Variants in CDYL observed in about 807,000 individuals in gnomAD.
CDYL encodes chromodomain Y like.
In CDYL, 8 loss-of-function variants were observed where a neutral mutation model predicts 47.3. The ratio of observed to expected loss-of-function variants is 0.17; its 90% CI spans 0.10 to 0.31. CDYL has a LOEUF of 0.31. CDYL is among the 10% of genes least tolerant of loss of function. CDYL has a pLI of 1.00. For synonymous variants in CDYL, 266 were observed against 265.0 expected (o/e 1.00, Z -0.04); for missense variants, 471 against 701.4 (o/e 0.67, Z 3.71).
In CDYL at chr6:4,935,563, T is replaced by C; in HGVS notation, c.740T>C (p.Ile247Thr). The C allele has an allele frequency of 6.2e-7, 1 of 1,614,236 alleles. No homozygotes were observed. Among genetic ancestry groups the C allele is most frequent in the Non-Finnish European group, 8.5e-7 (1 of 1,180,034 alleles). The change falls in exon 3 of 7, where the codon ATA becomes ACA. Residue 247 changes from isoleucine (I) to threonine (T), a missense_variant. By Grantham distance (89) the Ile-to-Thr change is moderately conservative. Around this residue, in one of 3 missense-constraint regions of CDYL, gnomAD observed 311 missense variants for 350.0 expected, o/e 0.89. Transcript: ENST00000397588. The stretch of plus-strand genomic sequence containing the variant: ...TTAACAGCCAATGGGACAACCAACA[T>C]ACAGACATCTGTTACAGGAGTGACT... ...DALTANGTTN[I>T]QTSVTGVTAS...
chr6:4,862,846 A>G (rs570814653), intron 1 of CDYL, among the ~76,000 whole-genome samples: 31 of 152,268 alleles, frequency 2.0e-4, no homozygotes, highest in African/African-American at 5.5e-4. Context: ...CAATCCCTCT[A>G]CTGGGTATCT....
intron 1 of CDYL, among the ~76,000 whole-genome samples, chr6:4,811,774 C>T (rs1404619729): frequency 1.3e-5 from 2 of 152,020 alleles, no homozygotes; most frequent in African/African-American, 4.8e-5. Flanking sequence ...CCTGGCCTCT[C>T]TCTTCTTTAA....
chr6:4,748,185 C>T (rs533173506), intron 3 of CDYL, among the ~76,000 whole-genome samples: 1 of 152,262 alleles, frequency 6.6e-6, no homozygotes, highest in South Asian at 2.1e-4. Context: ...CCCGTGATTT[C>T]AAGTACATCT....
At chr6:4,889,309 C>T (rs914905789) in intron 1 of CDYL, among the ~76,000 whole-genome samples, 2 of 152,008 alleles carry the variant, frequency 1.3e-5, no homozygotes, top group African/African-American at 4.8e-5. Context: ...ACCGCAACCT[C>T]CACCTCCTGG....
intron 1 of CDYL, among the ~76,000 whole-genome samples, chr6:4,851,665 C>G (rs76240962): frequency 6.6e-6 from 1 of 152,194 alleles, no homozygotes; most frequent in Non-Finnish European, 1.5e-5. Flanking sequence ...CATTCGCAGA[C>G]GCATTGCATC....
Position 4,927,013 on chromosome 6 carries a change from T to A in CDYL, c.692-8502T>A, listed in dbSNP as rs183244745. Among the ~76,000 whole-genome samples, 205 of 152,308 alleles carry A rather than the reference T, an allele frequency of 1.3e-3. 1 individual carries two copies. Among genetic ancestry groups the A allele is most frequent in the Admixed American group, 4.7e-3 (72 of 15,294 alleles). ...TGATGCACTTATTGACCCGTATTTT[T>A]AAAAATCTTCAGAAGCATAATAGCT... On this transcript the variant is annotated intron_variant, in intron 2 of 6. Transcript: ENST00000397588.
chr6:4,775,232 C>G (rs1366360346), upstream of CDYL: 1 of 152,400 alleles, frequency 6.6e-6, no homozygotes, highest in Non-Finnish European at 1.5e-5. This position sits in a 1 kb window ranked among gnomAD's most constrained non-coding sequence, Gnocchi z 7.0. Flanking sequence ...AGAGGGTGAA[C>G]TAATGCCTCT....
intron 3 of CDYL, among the ~76,000 whole-genome samples, chr6:4,762,272 G>A (rs1408039807): frequency 1.3e-5 from 2 of 152,158 alleles, no homozygotes; most frequent in Non-Finnish European, 2.9e-5. Context: ...ATTGATTTTA[G>A]GTGACATTTT....
chr6:4,842,328 G>T (rs961847849), intron 1 of CDYL, among the ~76,000 whole-genome samples: 3 of 150,350 alleles, frequency 2.0e-5, no homozygotes, highest in African/African-American at 7.3e-5. Flanking sequence ...TTGACTTTCT[G>T]TCTTGATGAC....
chr6:4,732,684 T>G (rs1386056339), intron 2 of CDYL, among the ~76,000 whole-genome samples: 119 of 123,370 alleles, frequency 9.6e-4, no homozygotes, highest in South Asian at 1.7e-3. Context: ...GAGGGGGGGA[T>G]TGGGGGGGAA....
intron 2 of CDYL, chr6:4,724,407 T>G (rs1302984061): frequency 6.6e-6 from 1 of 152,268 alleles, no homozygotes; most frequent in South Asian, 2.1e-4. Flanking sequence ...ATGTCAGGGC[T>G]TACCTTGATG....
chr6:4,899,316 G>T (rs1483225847), intron 2 of CDYL, among the ~76,000 whole-genome samples: 1 of 152,206 alleles, frequency 6.6e-6, no homozygotes, highest in Non-Finnish European at 1.5e-5. Flanking sequence ...CAGGAGAAAA[G>T]GACATATACA....
intron 3 of CDYL, among the ~76,000 whole-genome samples, chr6:4,758,370 A>ATATATCTC (rs140149693): frequency 7.3e-6 from 1 of 137,762 alleles, no homozygotes; most frequent in African/African-American, 2.9e-5. Flanking sequence ...ATATATATAT[A>ATATATCTC]TCTCTTTGTG....
chr6:4,776,872 C>T (rs868407861), intron 1 of CDYL, 65 bp downstream of exon 1: 144 of 757,454 alleles, frequency 1.9e-4, no homozygotes, highest in Admixed American at 1.8e-3. Flanking sequence ...CCGGCCGCGC[C>T]GCCCGACGGC....
intron 3 of CDYL, among the ~76,000 whole-genome samples, chr6:4,754,759 C>T (rs943861368): frequency 1.3e-5 from 2 of 152,068 alleles, no homozygotes; most frequent in South Asian, 2.1e-4. Context: ...ACTATAATTT[C>T]GAAGGAAATC....
chr6:4,747,331 C>T (rs1318662373), intron 3 of CDYL, among the ~76,000 whole-genome samples: 3 of 149,682 alleles, frequency 2.0e-5, no homozygotes, highest in Non-Finnish European at 4.4e-5. Context: ...AAATCATGGG[C>T]ATTAATGCAT....
intron 2 of CDYL, among the ~76,000 whole-genome samples, chr6:4,717,979 G>A (rs1209939415): frequency 6.6e-6 from 1 of 151,746 alleles, no homozygotes; most frequent in Non-Finnish European, 1.5e-5. Flanking sequence ...CCAGATAGCT[G>A]CGATTGTAGG....
chr6:4,947,349 C>T (rs1263028668), intron 5 of CDYL, among the ~76,000 whole-genome samples: 1 of 152,184 alleles, frequency 6.6e-6, no homozygotes, highest in African/African-American at 2.4e-5. Context: ...GCGCCTATAC[C>T]AAGTTCTAGG....
chr6:4,842,034 T>G (rs1760508314), intron 1 of CDYL, among the ~76,000 whole-genome samples: 1 of 145,096 alleles, frequency 6.9e-6, no homozygotes, highest in Non-Finnish European at 1.5e-5. Context: ...TTGTAATATA[T>G]AATTTATATA....
Sources: gnomAD v4.1 joint callset for allele counts (sites outside exome capture counted in the v4.1 genomes callset) on GRCh38, gnomAD v4.1.1 for gene constraint, gnomAD v4.1.1 regional missense constraint, Gnocchi (gnomAD v3.1) non-coding constraint, MANE v1.5 for transcripts, NCBI Gene and HGNC (gene_info 2026-07-23, HGNC 2026-07-21) for gene names.